Variants in POLA1 observed in about 807,000 individuals in gnomAD.
The protein encoded by POLA1 is DNA polymerase alpha 1, catalytic subunit.
In POLA1, 15 loss-of-function variants were observed where a neutral mutation model predicts 124.0. The ratio of observed to expected loss-of-function variants is 0.12; its 90% CI spans 0.08 to 0.19. The LOEUF (loss-of-function observed/expected upper bound fraction) is 0.19. Among genes scored for constraint, POLA1 ranks in the 10% least tolerant of loss-of-function variants. The pLI, the probability that POLA1 is intolerant of heterozygous loss-of-function variation, is 1.00. For missense variants in POLA1, 886 were observed against 1,103.4 expected, an observed-to-expected ratio of 0.80 and a Z score of 2.79; for synonymous variants, 408 against 389.4, an observed-to-expected ratio of 1.05 and a Z score of -0.56.
rs769213541 is a variant in POLA1, at chrX:24,724,298, T to G, written c.1201-37T>G. Reference sequence around the variant, plus strand: ...GAGAAGATCATTTATGTACAGATACTTTTTTTTCCCCTCTGTCCCCTTCTC... The same window carrying G: ...GAGAAGATCATTTATGTACAGATACGTTTTTTTCCCCTCTGTCCCCTTCTC... On this transcript the variant is annotated intron_variant, in intron 11 of 36. Transcript: ENST00000379068. 5 of 675,730 alleles carry G rather than the reference T, an allele frequency of 7.4e-6. No individual in the cohort carries two copies. The Admixed American group carries it at 8.9e-5, about 12-fold the overall frequency. 55.7% of individuals were successfully genotyped at this position (675,730 alleles called of 1,213,427 possible). A position where few individuals can be genotyped will look rare whatever the true frequency, so the allele number is the denominator to read the frequency against.
At chrX:24,774,014 A>G (rs1251112887) in intron 26 of POLA1, among the ~76,000 whole-genome samples, 2 of 111,771 alleles carry the variant, frequency 1.8e-5, no homozygotes, top group Non-Finnish European at 3.8e-5. Flanking sequence ...CTTCCAGACC[A>G]TTACAAGTAC....
intron 26 of POLA1, chrX:24,789,053 A>G (rs766071181): frequency 8.3e-7 from 1 of 1,207,378 alleles, no homozygotes; most frequent in Admixed American, 2.2e-5. Flanking sequence ...GGGGCTTTTC[A>G]GGTCTCTGAA....
chrX:24,992,026 A>ATGTT (rs1225981946), intron 36 of POLA1, among the ~76,000 whole-genome samples: 1 of 111,946 alleles, frequency 8.9e-6, no homozygotes. Context: ...ACTTTGAGAA[A>ATGTT]TGTTTATGTA....
intron 4 of POLA1, among the ~76,000 whole-genome samples, chrX:24,709,560 G>A (rs1417486091): frequency 6.5e-5 from 7 of 107,157 alleles, no homozygotes; most frequent in East Asian, 6.3e-4. Flanking sequence ...AGATGGGGTG[G>A]CTGCTGGGCG....
At chrX:24,982,055 C>T (rs2048427741) in intron 36 of POLA1, among the ~76,000 whole-genome samples, 3 of 108,275 alleles carry the variant, frequency 2.8e-5, no homozygotes, top group African/African-American at 1.0e-4. Flanking sequence ...AGTGGGTTCC[C>T]CCTTCTCAGG....
chrX:24,801,922 T>TGG lies in POLA1; in HGVS notation c.2965-7974_2965-7973dup, dbSNP rs1491072799. 8.7e-4 allele frequency among the ~76,000 whole-genome samples: 74 copies of TGG among 85,159 alleles called. No individual in the cohort carries two copies. In the East Asian group the frequency reaches 0.013, roughly 14 times the overall value. The allele number at this position is 85,159 out of a possible 115,157, so 74.0% of individuals were successfully genotyped here. A position where few individuals can be genotyped will look rare whatever the true frequency, so the allele number is the denominator to read the frequency against. ...AAACAGAGCCACTAGGAGAGGTGGG[T>TGG]GGGTGTGTGTGTGTGTGTGTGTGTG... is the stretch of plus-strand genomic sequence containing the variant. On this transcript the variant is annotated intron_variant, in intron 26 of 36. Transcript: ENST00000379068.
chrX:24,930,932 G>A (rs1475230854), intron 36 of POLA1, among the ~76,000 whole-genome samples: 2 of 112,199 alleles, frequency 1.8e-5, no homozygotes, highest in Admixed American at 1.9e-4. Flanking sequence ...TAGACTTGGA[G>A]TGTGTCTCTG....
At chrX:24,734,025 G>A (rs998874984) in intron 17 of POLA1, 10 of 295,500 alleles carry the variant, frequency 3.4e-5, no homozygotes, top group African/African-American at 2.5e-4. Flanking sequence ...TGAAAATAAT[G>A]GGATTCTGTA....
intron 6 of POLA1, 30 bp from the exon 7 acceptor site, chrX:24,716,332 G>C (rs1280694736): frequency 1.3e-6 from 1 of 755,406 alleles, no homozygotes; most frequent in Non-Finnish European, 2.1e-6. Context: ...ACCAAGCATG[G>C]CAGTGAATAT....
intron 34 of POLA1, among the ~76,000 whole-genome samples, chrX:24,871,223 AC>A (rs2046858955): frequency 8.9e-6 from 1 of 112,545 alleles, no homozygotes; most frequent in Non-Finnish European, 1.9e-5. Flanking sequence ...TTGTATAAAT[AC>A]ATGCCCATTT....
intron 35 of POLA1, among the ~76,000 whole-genome samples, chrX:24,891,398 G>A (rs1201770470): frequency 9.0e-6 from 1 of 111,630 alleles, no homozygotes; most frequent in Non-Finnish European, 1.9e-5. Flanking sequence ...GACCTTGACA[G>A]TGGGACTCAG....
intron 1 of POLA1, among the ~76,000 whole-genome samples, chrX:24,697,485 T>C (rs1928097958): frequency 8.9e-6 from 1 of 112,225 alleles, no homozygotes; most frequent in Admixed American, 9.5e-5. Flanking sequence ...TTTTACTTAA[T>C]GTCTTTCTGA....
intron 36 of POLA1, among the ~76,000 whole-genome samples, chrX:24,952,890 A>T (rs939647711): frequency 8.9e-6 from 1 of 112,255 alleles, no homozygotes; most frequent in Non-Finnish European, 1.9e-5. Flanking sequence ...TGATGTGGTG[A>T]TACAGTGAGT....
intron 32 of POLA1, among the ~76,000 whole-genome samples, chrX:24,831,411 T>C (rs1393905840): frequency 2.7e-5 from 3 of 111,966 alleles, no homozygotes; most frequent in Non-Finnish European, 5.6e-5. Context: ...ATTTTCTTTT[T>C]CTGTCTTTTT....
At chrX:24,771,508 G>A (rs1466964275) in intron 26 of POLA1, among the ~76,000 whole-genome samples, 2 of 111,344 alleles carry the variant, frequency 1.8e-5, no homozygotes, top group Non-Finnish European at 3.8e-5. Flanking sequence ...TTGTAATCTG[G>A]GATGCAAGTT....
At chrX:24,821,715 T>G (rs747518600) in intron 31 of POLA1, 132 bp downstream of exon 31, 41 of 457,590 alleles carry the variant, frequency 9.0e-5, no homozygotes. Flanking sequence ...TCATAGCATT[T>G]AAAAAACATT....
intron 26 of POLA1, among the ~76,000 whole-genome samples, chrX:24,784,999 CAG>C (rs1394902151): frequency 1.8e-5 from 2 of 112,093 alleles, no homozygotes; most frequent in East Asian, 5.6e-4. Flanking sequence ...GTCATACTCT[CAG>C]ATAAAATATT....
intron 34 of POLA1, among the ~76,000 whole-genome samples, chrX:24,886,450 AT>A (rs1396416646): frequency 4.5e-5 from 5 of 111,853 alleles, no homozygotes; most frequent in Non-Finnish European, 9.4e-5. Flanking sequence ...AGGTAGCATA[AT>A]TTTTTTATTC....
In POLA1 at chrX:24,815,088, G is replaced by A. The variant is rs1194075009; in HGVS notation, c.3406G>A (p.Val1136Met). ...AAATGTGCTAAATGGCAGTGTCCCAGTGAGCCAGTTTGAAATTAACAAGGT... is the reference window on the plus strand; with the variant it reads ...AAATGTGCTAAATGGCAGTGTCCCAATGAGCCAGTTTGAAATTAACAAGGT... ...GENVLNGSVPVSQFEINKALT... is the reference protein window; with the variant it reads ...GENVLNGSVPMSQFEINKALT... The change falls in exon 30 of 37, where the codon GTG becomes ATG. Residue 1136 changes from valine to methionine, a missense_variant. Coordinates refer to ENST00000379068, the MANE Select transcript of POLA1 (RefSeq NM_001330360.2). The A allele has an allele frequency of 8.3e-7, 1 of 1,204,669 alleles. No individual in the cohort carries two copies. Among genetic ancestry groups the A allele is most frequent in the South Asian group, 1.8e-5 (1 of 55,733 alleles).
Sources: gnomAD v4.1 joint callset for allele counts (sites outside exome capture counted in the v4.1 genomes callset) on GRCh38, gnomAD v4.1.1 for gene constraint, MANE v1.5 for transcripts, NCBI Gene and HGNC (gene_info 2026-07-23, HGNC 2026-07-21) for gene names.